The following STAB2 variants were observed in gnomAD, a reference collection of about 807,000 sequenced individuals.
The protein encoded by STAB2 is stabilin 2, also known as stabilin-2.
STAB2 carries 288 observed loss-of-function variants against 338.1 expected under a neutral mutation model. The ratio of observed to expected loss-of-function variants is 0.85; its 90% CI spans 0.77 to 0.94. The LOEUF is 0.94. Ranked by LOEUF, STAB2 falls within the 40% of genes least tolerant of loss-of-function variation. The pLI, the probability that STAB2 is intolerant of heterozygous loss-of-function variation, is 0.00. For missense variants in STAB2, 3,141 were observed against 3,210.1 expected (o/e 0.98, Z 0.52); for synonymous variants, 1,202 against 1,193.3 (o/e 1.01, Z -0.15).
At position 103,594,396 on chromosome 12, in the gene STAB2, T is replaced by C; in HGVS notation, c.217T>C (p.Tyr73His). Residue 73 changes from tyrosine to histidine, a missense_variant and splice_region_variant, in exon 3 of 69, where the codon TAC (tyrosine) becomes CAC (histidine). By Grantham distance (83) the Tyr-to-His change is moderately conservative. Transcript: ENST00000388887. ...SGSVGVRDCR[Y>H]TFEVRTYSLS... The stretch of plus-strand genomic sequence containing the variant: ...AATGTCCTCTCTTTACCCTCCAAGG[T>C]ACACCTTTGAGGTCAGAACATACTC... 6.2e-7 allele frequency: 1 copy of C among 1,613,370 alleles called. No homozygotes were observed. Among genetic ancestry groups the C allele is most frequent in the Non-Finnish European group, 8.5e-7 (1 of 1,179,356 alleles).
At chr12:103,720,111 TAAAG>T (rs907169239) in intron 44 of STAB2, among the ~76,000 whole-genome samples, 5 of 152,188 alleles carry the variant, frequency 3.3e-5, no homozygotes, top group Non-Finnish European at 7.3e-5. Context: ...GTAAGGATAA[TAAAG>T]AAGAAGCTAC....
chr12:103,614,827 A>G (rs573493456), intron 3 of STAB2, among the ~76,000 whole-genome samples: 1 of 152,334 alleles, frequency 6.6e-6, no homozygotes, highest in East Asian at 1.9e-4. Context: ...TTTGTCGAGC[A>G]CACCCAGTGG....
At chr12:103,751,142 C>T in intron 60 of STAB2, among the ~76,000 whole-genome samples, 1 of 152,166 alleles carries the variant, frequency 6.6e-6, no homozygotes, top group Non-Finnish European at 1.5e-5. Context: ...CAGGGCACTG[C>T]ACTTTATGGC....
intron 67 of STAB2, chr12:103,763,270 C>T (rs766323761): frequency 6.2e-5 from 34 of 548,186 alleles, no homozygotes; most frequent in African/African-American, 1.1e-4. Context: ...CCCTATGTGC[C>T]GATTTGGTGG....
Position 103,611,205 on chromosome 12 carries a change from C to T in STAB2, c.332-9263C>T, listed in dbSNP as rs192736069. ...GAGTTCTGTAGATGTCTATTAGGTC[C>T]GCATGGTGCAGAGCTGAGTTCAATT... On this transcript the variant is annotated intron_variant, in intron 3 of 68. Coordinates refer to ENST00000388887, the MANE Select transcript of STAB2 (RefSeq NM_017564.10). Among the ~76,000 whole-genome samples the T allele has an allele frequency of 5.4e-3, 825 of 152,118 alleles. 7 individuals are homozygous for T. Among genetic ancestry groups the T allele is most frequent in the Non-Finnish European group, 7.9e-3 (540 of 68,000 alleles).
chr12:103,703,349 T>C, intron 35 of STAB2, 73 bp downstream of exon 35: 1 of 1,559,544 alleles, frequency 6.4e-7, no homozygotes, highest in Non-Finnish European at 8.6e-7. Flanking sequence ...TTTGGGGGCA[T>C]AAGGCTTTTC....
intron 66 of STAB2, 106 bp downstream of exon 66, chr12:103,761,516 A>T: frequency 6.0e-6 from 6 of 992,538 alleles, no homozygotes; most frequent in South Asian, 1.5e-5. Flanking sequence ...CTTCCTCCAG[A>T]GACTGGAGGA....
At chr12:103,603,349 C>A (rs189251335) in intron 3 of STAB2, among the ~76,000 whole-genome samples, 2 of 152,174 alleles carry the variant, frequency 1.3e-5, no homozygotes, top group African/African-American at 4.8e-5. Flanking sequence ...GGATTACAGG[C>A]GTGAGCCACC....
intron 18 of STAB2, among the ~76,000 whole-genome samples, chr12:103,665,244 G>T (rs1257007649): frequency 6.6e-6 from 1 of 152,170 alleles, no homozygotes; most frequent in Non-Finnish European, 1.5e-5. Context: ...GAAGCAGCTG[G>T]TACCCTCTGG....
chr12:103,620,628 C>T, intron 4 of STAB2, 75 bp downstream of exon 4: 2 of 643,190 alleles, frequency 3.1e-6, no homozygotes, highest in African/African-American at 2.2e-5. Context: ...TCCTTAAACA[C>T]ACACACACAC....
At chr12:103,744,514 T>G (rs975249848) in intron 56 of STAB2, among the ~76,000 whole-genome samples, 1 of 150,254 alleles carries the variant, frequency 6.7e-6, no homozygotes, top group African/African-American at 2.5e-5. Context: ...TTACCCAGAC[T>G]GGTATACAGT....
At position 103,764,196 on chromosome 12, in the gene STAB2, G is replaced by A. The variant is rs111477930; in HGVS notation, c.7605+588G>A. 6.0e-4 allele frequency among the ~76,000 whole-genome samples: 92 copies of A among 152,168 alleles called. 1 individual carries two copies. The highest frequency in any genetic ancestry group is 2.2e-3 in the African/African-American group (91 of 41,514). ...TCGAACTCCCAACCTCAGGTGATACGCCCACCTCGGCCTCCCAAAGTGCTG... is the reference window on the plus strand; with the variant it reads ...TCGAACTCCCAACCTCAGGTGATACACCCACCTCGGCCTCCCAAAGTGCTG... On this transcript the variant is annotated intron_variant, in intron 68 of 68. Transcript: ENST00000388887.
At chr12:103,716,673 CAT>C (rs759222818) in intron 43 of STAB2, among the ~76,000 whole-genome samples, 22 of 152,330 alleles carry the variant, frequency 1.4e-4, no homozygotes, top group Non-Finnish European at 2.4e-4. Context: ...CACACATGCA[CAT>C]GTGTGTGGAC....
intron 53 of STAB2, among the ~76,000 whole-genome samples, chr12:103,738,731 T>C (rs181611409): frequency 2.0e-5 from 3 of 152,348 alleles, no homozygotes; most frequent in East Asian, 3.9e-4. Context: ...CTATTTATTA[T>C]AAAACTAAGG....
chr12:103,766,040 G>A (rs1172632023), intron 68 of STAB2: 4 of 652,946 alleles, frequency 6.1e-6, no homozygotes, highest in African/African-American at 5.4e-5. Flanking sequence ...TGAAGAAACT[G>A]CAGCCGAGTT....
At chr12:103,739,568 T>C (rs1015938496) in intron 54 of STAB2, 100 bp downstream of exon 54, 8 of 771,280 alleles carry the variant, frequency 1.0e-5, no homozygotes, top group East Asian at 7.1e-5. Flanking sequence ...TGTGTGTGTG[T>C]GTGTGCCCGT....
At chr12:103,684,946 G>A (rs373763006) in intron 26 of STAB2, 43 bp from the exon 27 acceptor site, 5 of 1,598,548 alleles carry the variant, frequency 3.1e-6, no homozygotes, top group East Asian at 2.2e-5. Context: ...CAGGTCTAAC[G>A]TTTTTGTTGG....
intron 3 of STAB2, among the ~76,000 whole-genome samples, chr12:103,604,711 C>T (rs1593129622): frequency 1.3e-5 from 2 of 152,004 alleles, no homozygotes; most frequent in East Asian, 3.9e-4. Flanking sequence ...TCCCCTCTCT[C>T]ATTTCTGTGA....
intron 9 of STAB2, among the ~76,000 whole-genome samples, chr12:103,646,580 G>A (rs1873353357): frequency 6.6e-6 from 1 of 152,094 alleles, no homozygotes; most frequent in Admixed American, 6.5e-5. Context: ...GAGGTCAAGT[G>A]GCCTTACCAT....
Sources: gnomAD v4.1 joint callset for allele counts (sites outside exome capture counted in the v4.1 genomes callset) on GRCh38, gnomAD v4.1.1 for gene constraint, MANE v1.5 for transcripts, NCBI Gene and HGNC (gene_info 2026-07-23, HGNC 2026-07-21) for gene names.